The following ZNF407 variants were observed in gnomAD, a reference collection of about 807,000 sequenced individuals.
ZNF407 encodes the protein zinc finger protein 407.
A neutral mutation model predicts 131.2 loss-of-function variants in ZNF407; 17 were observed. That is an observed-to-expected ratio of 0.13 (90% CI 0.09 to 0.19). The LOEUF (loss-of-function observed/expected upper bound fraction) is 0.19, where lower values mean the gene tolerates loss of function less well. Among genes scored for constraint, ZNF407 ranks in the 10% least tolerant of loss-of-function variants. ZNF407 has a pLI of 1.00. For missense variants in ZNF407, 2,681 were observed against 2,830.6 expected (o/e 0.95, Z 1.20); for synonymous variants, 1,156 against 1,062.0 (o/e 1.09, Z -1.72).
rs1263128145 is a variant in ZNF407, at chr18:74,633,776, C to T, written c.2757C>T (p.Ile919=). 3.7e-6 allele frequency: 6 copies of T among 1,613,820 alleles called. No homozygotes were observed. In the African/African-American group the frequency reaches 6.7e-5, roughly 18 times the overall value. The change falls in exon 2 of 9, where the codon ATC becomes ATT. Residue 919 remains isoleucine, a synonymous_variant. Coordinates refer to ENST00000299687, the MANE Select transcript of ZNF407 (RefSeq NM_017757.3). The stretch of plus-strand genomic sequence containing the variant: ...CAAGTGGAAAACACAGTTCAGATAT[C>T]ATTGTTGGCCCTGAAGGGGGTAGCC... ...IEASGKHSSD[I]IVGPEGGSLE... is the part of the protein sequence containing the mutation.
At chr18:74,984,428 C>T (rs939322409) in intron 8 of ZNF407, among the ~76,000 whole-genome samples, 3 of 152,152 alleles carry the variant, frequency 2.0e-5, no homozygotes, top group African/African-American at 7.2e-5. Context: ...ATTATGTTTA[C>T]AATATATGAC....
At chr18:74,946,301 G>T (rs1287645768) in intron 8 of ZNF407, among the ~76,000 whole-genome samples, 3 of 152,164 alleles carry the variant, frequency 2.0e-5, no homozygotes, top group Non-Finnish European at 4.4e-5. Context: ...GAGATTTCCT[G>T]TGAGAATCAG....
chr18:74,999,211 G>T (rs1481397294), intron 8 of ZNF407, among the ~76,000 whole-genome samples: 13 of 87,468 alleles, frequency 1.5e-4, no homozygotes, highest in Admixed American at 1.1e-3. Flanking sequence ...GGTCGGGGGA[G>T]GGGGGAGGGA....
chr18:74,624,593 CTG>C (rs1983707723), intron 1 of ZNF407, among the ~76,000 whole-genome samples: 2 of 152,188 alleles, frequency 1.3e-5, no homozygotes, highest in Non-Finnish European at 2.9e-5. Context: ...TAAAGCAGGG[CTG>C]TGTCTCAGTG....
At chr18:74,994,942 A>C (rs957143494) in intron 8 of ZNF407, among the ~76,000 whole-genome samples, 3 of 152,196 alleles carry the variant, frequency 2.0e-5, no homozygotes, top group African/African-American at 4.8e-5. Context: ...CGAAATTTCA[A>C]GGAGACGAAA....
At chr18:75,004,980 T>C (rs1972891387) in intron 8 of ZNF407, among the ~76,000 whole-genome samples, 1 of 152,176 alleles carries the variant, frequency 6.6e-6, no homozygotes, top group African/African-American at 2.4e-5. Context: ...GCAGCAGAGA[T>C]ATTGACAGTC....
intron 3 of ZNF407, among the ~76,000 whole-genome samples, chr18:74,694,405 A>T (rs2144806737): frequency 6.6e-6 from 1 of 151,988 alleles, no homozygotes; most frequent in African/African-American, 2.4e-5. Flanking sequence ...CAATTCCAAG[A>T]GATATAGCTC....
At chr18:74,663,921 C>G (rs1399316263) in intron 3 of ZNF407, among the ~76,000 whole-genome samples, 1 of 152,178 alleles carries the variant, frequency 6.6e-6, no homozygotes, top group Non-Finnish European at 1.5e-5. Flanking sequence ...GGTAGAGAGA[C>G]GCTGATGCCT....
intron 3 of ZNF407, among the ~76,000 whole-genome samples, chr18:74,770,915 C>T (rs1452443284): frequency 6.6e-6 from 1 of 151,954 alleles, no homozygotes; most frequent in Non-Finnish European, 1.5e-5. Flanking sequence ...TATGAATAAG[C>T]AAAAAATTCT....
chr18:74,697,301 A>G (rs1456188055), intron 3 of ZNF407, among the ~76,000 whole-genome samples: 4 of 152,218 alleles, frequency 2.6e-5, no homozygotes, highest in African/African-American at 9.6e-5. Flanking sequence ...CCTTTGGCAC[A>G]TATGCTAGTA....
At chr18:74,792,517 T>A (rs1257669331) in intron 4 of ZNF407, among the ~76,000 whole-genome samples, 3 of 150,752 alleles carry the variant, frequency 2.0e-5, no homozygotes, top group Admixed American at 1.3e-4. Context: ...CTTCTAAAAT[T>A]TATGCCTTTG....
In ZNF407 at chr18:74,634,264, A is replaced by G; in HGVS notation, c.3245A>G (p.Asn1082Ser). ...MKRQSYLNSA[N>S]VEAGSADMSK... The stretch of plus-strand genomic sequence containing the variant: ...AGGCAGTCTTATCTCAACTCTGCTA[A>G]TGTAGAAGCTGGTTCTGCAGACATG... The change falls in exon 2 of 9, where the codon AAT becomes AGT. Residue 1082 changes from asparagine to serine, a missense_variant. Physicochemically the swap from Asn to Ser is conservative, Grantham distance 46 (BLOSUM62 1). Transcript: ENST00000299687. The G allele has an allele frequency of 1.2e-6, 2 of 1,614,072 alleles. No individual in the cohort carries two copies. Among genetic ancestry groups the G allele is most frequent in the Non-Finnish European group, 1.7e-6 (2 of 1,179,898 alleles).
At chr18:74,645,932 A>G (rs1343904125) in intron 3 of ZNF407, among the ~76,000 whole-genome samples, 3 of 152,286 alleles carry the variant, frequency 2.0e-5, no homozygotes, top group East Asian at 1.9e-4. Flanking sequence ...CTTCAGGCTG[A>G]GCATGAAATA....
At chr18:74,921,881 G>GT (rs1310183006) in intron 8 of ZNF407, among the ~76,000 whole-genome samples, 3 of 152,172 alleles carry the variant, frequency 2.0e-5, no homozygotes. Flanking sequence ...AAATATCTAT[G>GT]TTATAAGAAA....
intron 3 of ZNF407, among the ~76,000 whole-genome samples, chr18:74,696,174 G>A (rs1375308481): frequency 6.6e-6 from 1 of 152,218 alleles, no homozygotes; most frequent in Non-Finnish European, 1.5e-5. Flanking sequence ...GACACAACGT[G>A]TGCTGGCTGT....
At chr18:74,854,758 T>G (rs1201044777) in intron 4 of ZNF407, among the ~76,000 whole-genome samples, 1 of 152,034 alleles carries the variant, frequency 6.6e-6, no homozygotes, top group Non-Finnish European at 1.5e-5. Context: ...TCAAGAATAA[T>G]GACAGAAACA....
intron 8 of ZNF407, among the ~76,000 whole-genome samples, chr18:75,049,726 A>C (rs930275179): frequency 6.6e-6 from 1 of 152,196 alleles, no homozygotes; most frequent in Non-Finnish European, 1.5e-5. Context: ...ATAGTCCTTT[A>C]AGTATTCGTA....
chr18:74,968,948 A>T (rs886689230), intron 8 of ZNF407, among the ~76,000 whole-genome samples: 23 of 151,872 alleles, frequency 1.5e-4, no homozygotes, highest in African/African-American at 5.6e-4. Flanking sequence ...GGCTCTGTGC[A>T]TTTTGTTCCA....
chr18:74,726,104 C>T (rs1015320713), intron 3 of ZNF407, among the ~76,000 whole-genome samples: 8 of 152,148 alleles, frequency 5.3e-5, no homozygotes, highest in Non-Finnish European at 1.2e-4. Flanking sequence ...TTTAGAGCCA[C>T]TTTCTAGTTC....
Sources: allele counts gnomAD v4.1 joint callset (sites outside exome capture counted in the v4.1 genomes callset), GRCh38; gene constraint gnomAD v4.1.1; transcripts MANE v1.5; gene names NCBI Gene and HGNC (gene_info 2026-07-23, HGNC 2026-07-21).